Variants in LRP1B observed in about 807,000 individuals in gnomAD.
LRP1B encodes the protein low-density lipoprotein receptor-related protein 1B.
In LRP1B, 217 loss-of-function variants were observed where a neutral mutation model predicts 556.6. The ratio of observed to expected loss-of-function variants is 0.39; its 90% CI spans 0.35 to 0.44. LRP1B has a LOEUF of 0.44. Ranked by LOEUF, LRP1B falls within the 20% of genes least tolerant of loss-of-function variation. The pLI is 1.00. For synonymous variants in LRP1B, 2,047 were observed against 1,865.8 expected (o/e 1.10, Z -2.50); for missense variants, 5,053 against 5,620.8 (o/e 0.90, Z 3.23).
chr2:140,744,274 A>C (rs545823107), intron 35 of LRP1B, among the ~76,000 whole-genome samples: 3 of 152,278 alleles, frequency 2.0e-5, no homozygotes, highest in African/African-American at 7.2e-5. Context: ...TACAATTTTC[A>C]TTTGCCAATT....
intron 6 of LRP1B, among the ~76,000 whole-genome samples, chr2:141,214,612 C>T (rs915006858): frequency 8.5e-5 from 13 of 152,122 alleles, no homozygotes; most frequent in African/African-American, 2.2e-4. Flanking sequence ...ATTTTAAATG[C>T]CTTGGCTCTA....
intron 43 of LRP1B, among the ~76,000 whole-genome samples, chr2:140,591,220 G>A (rs1255373470): frequency 6.6e-6 from 1 of 152,184 alleles, no homozygotes; most frequent in Non-Finnish European, 1.5e-5. Flanking sequence ...ATATCCAGCA[G>A]CCTCTCAGAA....
rs1686287161 is a variant in LRP1B, at chr2:140,692,679, A to G, written c.6799+7571T>C. Among the ~76,000 whole-genome samples the G allele has an allele frequency of 1.3e-5, 2 of 152,150 alleles. 1 individual carries two copies. The highest frequency in any genetic ancestry group is 4.1e-4 in the South Asian group (2 of 4,832). ...ATCTTCATCTCTGTAATGGTATGTT[A>G]TAAACTTCAGTTGTAATCCTTTGTT... is the stretch of plus-strand genomic sequence containing the variant. On this transcript the variant is annotated intron_variant, in intron 41 of 90. Transcript: ENST00000389484.
chr2:141,573,116 AC>A (rs1444551086), intron 2 of LRP1B, among the ~76,000 whole-genome samples: 1 of 152,050 alleles, frequency 6.6e-6, no homozygotes, highest in African/African-American at 2.4e-5. Context: ...CATCTACAGA[AC>A]CCTCTACCCC....
At chr2:140,267,456 T>A (rs975587928) in intron 86 of LRP1B, among the ~76,000 whole-genome samples, 4 of 151,964 alleles carry the variant, frequency 2.6e-5, no homozygotes, top group African/African-American at 9.7e-5. Context: ...CCTATATTTT[T>A]AAATCATCTC....
intron 59 of LRP1B, among the ~76,000 whole-genome samples, chr2:140,483,478 A>AAGTGAAGC (rs1382774608): frequency 6.6e-6 from 1 of 151,198 alleles, no homozygotes; most frequent in Non-Finnish European, 1.5e-5. Context: ...TTTCATTAGA[A>AAGTGAAGC]AGTGAAGCAT....
intron 1 of LRP1B, among the ~76,000 whole-genome samples, chr2:141,928,687 T>C (rs1337619006): frequency 6.6e-6 from 1 of 152,114 alleles, no homozygotes; most frequent in Non-Finnish European, 1.5e-5. Context: ...GTTGGAAGCA[T>C]GAAATTGGCA....
chr2:141,876,597 T>C (rs961914928), intron 1 of LRP1B, among the ~76,000 whole-genome samples: 1 of 151,718 alleles, frequency 6.6e-6, no homozygotes, highest in African/African-American at 2.4e-5. Flanking sequence ...CTCTTTACTT[T>C]TCTAGTCTTC....
chr2:141,062,022 G>A (rs1699349910), intron 8 of LRP1B, 29 bp downstream of exon 8: 7 of 1,567,180 alleles, frequency 4.5e-6, no homozygotes, highest in Non-Finnish European at 4.4e-6. Flanking sequence ...TATTACCCTA[G>A]GAGCGTTGTC....
chr2:141,828,503 A>C (rs78913802), intron 1 of LRP1B, among the ~76,000 whole-genome samples: 3,951 of 152,288 alleles, frequency 0.026, 183 homozygotes, highest in African/African-American at 0.089. Context: ...TATTTCTATA[A>C]AGAACGGAGA....
chr2:141,964,617 C>T lies in LRP1B; in HGVS notation c.83-154216G>A, dbSNP rs1335174393. Among the ~76,000 whole-genome samples the T allele has an allele frequency of 4.0e-5, 6 of 151,730 alleles. No homozygotes were observed. In the South Asian group the frequency reaches 1.0e-3, roughly 26 times the overall value. ...ATTCAAGATGGATCAAAGATTTAAA[C>T]GTTAGACCTAAAACCATAAAAACCC... On this transcript the variant is annotated intron_variant, in intron 1 of 90. Coordinates refer to ENST00000389484, the MANE Select transcript of LRP1B (RefSeq NM_018557.3).
At chr2:140,831,858 G>T (rs1573777606) in intron 31 of LRP1B, among the ~76,000 whole-genome samples, 1 of 152,022 alleles carries the variant, frequency 6.6e-6, no homozygotes, top group South Asian at 2.1e-4. Context: ...ATGGGCAAAA[G>T]ATCTGAGTAG....
intron 1 of LRP1B, among the ~76,000 whole-genome samples, chr2:141,857,118 T>A (rs1302829631): frequency 2.6e-5 from 4 of 152,140 alleles, no homozygotes; most frequent in African/African-American, 9.7e-5. Flanking sequence ...GAGTTAACTT[T>A]CTACCCCAAA....
intron 2 of LRP1B, among the ~76,000 whole-genome samples, chr2:141,747,044 C>A (rs536568681): frequency 6.6e-6 from 1 of 152,106 alleles, no homozygotes; most frequent in Non-Finnish European, 1.5e-5. Context: ...GGAAGGGAAA[C>A]CTCTTCCCCT....
intron 23 of LRP1B, among the ~76,000 whole-genome samples, chr2:140,894,218 T>C (rs1349812580): frequency 6.8e-6 from 1 of 148,054 alleles, no homozygotes; most frequent in African/African-American, 2.4e-5. Context: ...TTTCTATTAA[T>C]TTTCATCTTC....
rs749012535 is a variant in LRP1B, at chr2:141,048,907, G to A, written c.1789+79C>T. 983 of 1,105,182 alleles carry A rather than the reference G, an allele frequency of 8.9e-4. 1 individual carries two copies. The highest frequency in any genetic ancestry group is 1.2e-3 in the Non-Finnish European group (843 of 721,126). The allele number at this position is 1,105,182 out of a possible 1,614,324, so 68.5% of individuals were successfully genotyped here. On this transcript the variant is annotated intron_variant, in intron 11 of 90. Coordinates refer to ENST00000389484, the MANE Select transcript of LRP1B (RefSeq NM_018557.3). ...AGAACTTGAGTTCTGGTTAAAGCTA[G>A]TCTGACACACACTGGATTTATCCTT...
At position 141,129,261 on chromosome 2, in the gene LRP1B, G is replaced by A. The variant is rs540111764; in HGVS notation, c.1013+59160C>T. 4.6e-5 allele frequency among the ~76,000 whole-genome samples: 7 copies of A among 152,166 alleles called. No homozygotes were observed. In the South Asian group the frequency reaches 6.2e-4, roughly 14 times the overall value. ...AAAGACGACTTAATATCTTAAAATC[G>A]TAAGGTATAAATATTTTACAAATTA... On this transcript the variant is annotated intron_variant, in intron 7 of 90. Transcript: ENST00000389484.
intron 81 of LRP1B, 66 bp downstream of exon 81, chr2:140,323,827 A>G (rs528917660): frequency 5.4e-5 from 43 of 797,390 alleles, no homozygotes; most frequent in Middle Eastern, 3.9e-4. Flanking sequence ...TTAAAAATAT[A>G]TTATTTTGAG....
chr2:142,045,203 A>G (rs1487817704), intron 1 of LRP1B, among the ~76,000 whole-genome samples: 2 of 151,652 alleles, frequency 1.3e-5, no homozygotes, highest in Admixed American at 1.3e-4. Context: ...CAGGAATAGA[A>G]CAGTCCCAGT....
Sources: gnomAD v4.1 joint callset for allele counts (sites outside exome capture counted in the v4.1 genomes callset) on GRCh38, gnomAD v4.1.1 for gene constraint, MANE v1.5 for transcripts, NCBI Gene and HGNC (gene_info 2026-07-23, HGNC 2026-07-21) for gene names.